The following SPIN1 variants were observed in gnomAD, a reference collection of about 807,000 sequenced individuals.
The protein encoded by SPIN1 is spindlin 1, also known as spindlin-1.
In SPIN1, 3 loss-of-function variants were observed where a neutral mutation model predicts 26.0. The observed-to-expected ratio is 0.12, with a 90% CI of 0.05 to 0.30. SPIN1 has a LOEUF of 0.30. Ranked by LOEUF, SPIN1 falls within the 10% of genes least tolerant of loss-of-function variation. The pLI, the probability that SPIN1 is intolerant of heterozygous loss-of-function variation, is 1.00. For synonymous variants in SPIN1, 101 were observed against 116.5 expected, an observed-to-expected ratio of 0.87 and a Z score of 0.86; for missense variants, 126 against 333.4, an observed-to-expected ratio of 0.38 and a Z score of 4.84.
chr9:88,438,970 A>G (rs1317698884), intron 2 of SPIN1, among the ~76,000 whole-genome samples: 7 of 152,180 alleles, frequency 4.6e-5, no homozygotes, highest in Admixed American at 4.6e-4. Flanking sequence ...GCGGTTGACT[A>G]GAGGAAACAC....
intron 3 of SPIN1, among the ~76,000 whole-genome samples, chr9:88,455,499 C>T (rs74550187): frequency 0.073 from 11,061 of 152,144 alleles, 1,272 homozygotes; most frequent in African/African-American, 0.24. Context: ...AAGTGAAATA[C>T]TTAAGTTGTA....
chr9:88,471,654 C>CA (rs1166469042), intron 5 of SPIN1, among the ~76,000 whole-genome samples: 40,937 of 59,752 alleles, frequency 0.69, 15,355 homozygotes, highest in East Asian at 0.84. Flanking sequence ...GACTCTGTCT[C>CA]AAAAAAAAAA....
intron 3 of SPIN1, among the ~76,000 whole-genome samples, chr9:88,459,968 A>G (rs770855394): frequency 5.9e-5 from 9 of 152,192 alleles, no homozygotes; most frequent in African/African-American, 2.2e-4. Context: ...TTCTGAGTCT[A>G]TCCCTTACAC....
At chr9:88,456,714 C>T (rs1218093119) in intron 3 of SPIN1, among the ~76,000 whole-genome samples, 1 of 152,076 alleles carries the variant, frequency 6.6e-6, no homozygotes, top group African/African-American at 2.4e-5. Flanking sequence ...TCTTGACTTG[C>T]ATCTACAAAT....
chr9:88,472,367 T>C (rs1475201185), intron 5 of SPIN1, among the ~76,000 whole-genome samples: 1 of 152,158 alleles, frequency 6.6e-6, no homozygotes, highest in African/African-American at 2.4e-5. Flanking sequence ...CCCGGGTAGC[T>C]GGGGTTACAG....
At chr9:88,459,189 C>A (rs956580247) in intron 3 of SPIN1, among the ~76,000 whole-genome samples, 3 of 152,166 alleles carry the variant, frequency 2.0e-5, no homozygotes, top group Admixed American at 1.3e-4. Flanking sequence ...AAAGCCTGAT[C>A]CTGTACGGGG....
intron 1 of SPIN1, among the ~76,000 whole-genome samples, chr9:88,394,518 T>C (rs1827010595): frequency 6.6e-6 from 1 of 152,208 alleles, no homozygotes; most frequent in African/African-American, 2.4e-5. Flanking sequence ...TATGAGCTTA[T>C]CCTTTTTTCT....
Position 88,396,171 on chromosome 9 carries a change from G to A in SPIN1, c.-159+7633G>A, listed in dbSNP as rs113002828. On this transcript the variant is annotated intron_variant, in intron 1 of 5. Coordinates refer to ENST00000375859, the MANE Select transcript of SPIN1 (RefSeq NM_006717.3). Reference sequence around the variant, plus strand: ...TGAGAGTCACTTGAACTTGGGAGGTGGAGGTTGCAGTGAGCTGAGATCGCG... The same window carrying A: ...TGAGAGTCACTTGAACTTGGGAGGTAGAGGTTGCAGTGAGCTGAGATCGCG... 1.8e-3 allele frequency among the ~76,000 whole-genome samples: 275 copies of A among 150,102 alleles called. 2 individuals are homozygous for A. The highest frequency in any genetic ancestry group is 3.3e-3 in the Non-Finnish European group (220 of 67,470).
intron 1 of SPIN1, among the ~76,000 whole-genome samples, chr9:88,394,123 A>G (rs1826999232): frequency 6.6e-6 from 1 of 152,232 alleles, no homozygotes; most frequent in Non-Finnish European, 1.5e-5. Context: ...TGCTGGGATT[A>G]CAGGTGTGAG....
chr9:88,449,041 G>T (rs114723139), intron 3 of SPIN1, 52 bp downstream of exon 3: 2 of 1,580,258 alleles, frequency 1.3e-6, no homozygotes, highest in Admixed American at 1.7e-5. Flanking sequence ...CTTTTGTTAC[G>T]CAGCATACAA....
chr9:88,388,774 T>G (rs1826846103), intron 1 of SPIN1, among the ~76,000 whole-genome samples: 1 of 149,554 alleles, frequency 6.7e-6, no homozygotes, highest in South Asian at 2.1e-4. Context: ...CGCCGGCCCC[T>G]ACTCCTCCGT....
intron 3 of SPIN1, among the ~76,000 whole-genome samples, chr9:88,449,822 G>GAAAC (rs2118137730): frequency 6.6e-6 from 1 of 152,152 alleles, no homozygotes; most frequent in East Asian, 1.9e-4. Context: ...CCATCGTGAG[G>GAAAC]CACTCTTAAG....
At chr9:88,458,965 A>AT (rs1467474973) in intron 3 of SPIN1, among the ~76,000 whole-genome samples, 2 of 152,216 alleles carry the variant, frequency 1.3e-5, no homozygotes, top group Non-Finnish European at 2.9e-5. Context: ...TCACAGAGAC[A>AT]TCTAGAGTGG....
At chr9:88,399,197 A>G (rs1827134995) in intron 1 of SPIN1, among the ~76,000 whole-genome samples, 1 of 151,684 alleles carries the variant, frequency 6.6e-6, no homozygotes, top group Non-Finnish European at 1.5e-5. Flanking sequence ...ATGCCTGGCT[A>G]GTTTTTTTGT....
intron 1 of SPIN1, among the ~76,000 whole-genome samples, chr9:88,411,954 G>A (rs1216415572): frequency 2.0e-5 from 3 of 151,662 alleles, no homozygotes; most frequent in Non-Finnish European, 2.9e-5. Context: ...GGCAGATCAC[G>A]AGGTCAGGAG....
At chr9:88,422,221 A>G (rs7873826) in intron 1 of SPIN1, among the ~76,000 whole-genome samples, 49,974 of 152,088 alleles carry the variant, frequency 0.33, 15,677 homozygotes, top group African/African-American at 0.83. Flanking sequence ...CTTCTTAATG[A>G]CCTTATAATA....
Position 88,476,936 on chromosome 9 carries a change from A to T in SPIN1, c.*1659A>T, listed in dbSNP as rs536799293. 2.6e-5 allele frequency: 4 copies of T among 152,278 alleles called. No individual in the cohort carries two copies. In the East Asian group the frequency reaches 5.8e-4, roughly 22 times the overall value. 9.4% of individuals were successfully genotyped at this position (152,278 alleles called of 1,614,324 possible). A position where few individuals can be genotyped will look rare whatever the true frequency, so the allele number is the denominator to read the frequency against. ...TTCTTGATGGTTTCCAGGCCTCGTT[A>T]TGCATGGTTTGCTTGATGCCCATTT... is the stretch of plus-strand genomic sequence containing the variant. On this transcript the variant is annotated 3_prime_UTR_variant, in exon 6 of 6. Transcript: ENST00000375859.
intron 1 of SPIN1, among the ~76,000 whole-genome samples, chr9:88,399,682 G>A (rs1364495628): frequency 6.6e-6 from 1 of 152,176 alleles, no homozygotes; most frequent in South Asian, 2.1e-4. Flanking sequence ...AAGCTGCAGG[G>A]TGGTTGCTTT....
chr9:88,462,985 T>C (rs1202143889), intron 4 of SPIN1, among the ~76,000 whole-genome samples: 1 of 152,194 alleles, frequency 6.6e-6, no homozygotes. Context: ...CGTAATAATT[T>C]ATAATACGGT....
Sources: gnomAD v4.1 joint callset for allele counts (sites outside exome capture counted in the v4.1 genomes callset) on GRCh38, gnomAD v4.1.1 for gene constraint, MANE v1.5 for transcripts, NCBI Gene and HGNC (gene_info 2026-07-23, HGNC 2026-07-21) for gene names.